Variants in SPATA13 observed in about 807,000 individuals in gnomAD.
SPATA13 encodes the protein spermatogenesis-associated protein 13.
SPATA13 carries 50 observed loss-of-function variants against 104.0 expected under a neutral mutation model. The ratio of observed to expected loss-of-function variants is 0.48; its 90% CI spans 0.38 to 0.61. The LOEUF (loss-of-function observed/expected upper bound fraction) is 0.61. SPATA13 is among the 20% of genes least tolerant of loss of function. SPATA13 has a pLI of 0.00. For synonymous variants in SPATA13, 606 were observed against 667.5 expected, an observed-to-expected ratio of 0.91 and a Z score of 1.42; for missense variants, 1,524 against 1,690.6, an observed-to-expected ratio of 0.90 and a Z score of 1.73.
chr13:24,012,763 AAC>A (rs1030262736), intron 2 of SPATA13, among the ~76,000 whole-genome samples: 2 of 152,178 alleles, frequency 1.3e-5, no homozygotes, highest in Non-Finnish European at 2.9e-5. Flanking sequence ...TGCCCACTGC[AAC>A]AGTCAGTGTT....
chr13:24,271,017 TCTCA>T, intron 4 of SPATA13: 5 of 751,922 alleles, frequency 6.6e-6, no homozygotes, highest in Admixed American at 6.1e-5. Context: ...CTCCACTCTC[TCTCA>T]CTCTCTCTCT....
intron 1 of SPATA13, among the ~76,000 whole-genome samples, chr13:24,199,272 C>T (rs1168255383): frequency 2.0e-5 from 3 of 152,230 alleles, no homozygotes; most frequent in East Asian, 1.9e-4. Flanking sequence ...GTTTGCCAGC[C>T]GCTGAGCTCT....
At position 24,297,430 on chromosome 13, in the gene SPATA13, A is replaced by G; in HGVS notation, c.3278A>G (p.Gln1093Arg). 4 of 1,614,186 alleles carry G rather than the reference A, an allele frequency of 2.5e-6. No individual in the cohort carries two copies. The highest frequency in any genetic ancestry group is 3.4e-6 in the Non-Finnish European group (4 of 1,180,040). ...GGGGAGCTGACCAAAATCACTAAGC[A>G]AGGCAAAAGCCAGCAGCGGACGTTC... is the stretch of plus-strand genomic sequence containing the variant. ...HSGELTKITK[Q>R]GKSQQRTFFL... Residue 1093 changes from glutamine (Q) to arginine (R), a missense_variant, in exon 11 of 13, where the codon CAA (glutamine) becomes CGA (arginine). By Grantham distance (43) the Gln-to-Arg change is conservative. Around this residue, in one of 2 missense-constraint regions of SPATA13, gnomAD observed 435 missense variants for 554.8 expected, o/e 0.78. Coordinates refer to ENST00000382108, the MANE Select transcript of SPATA13 (RefSeq NM_001166271.3).
intron 4 of SPATA13, among the ~76,000 whole-genome samples, chr13:24,280,228 C>T (rs1446592769): frequency 6.6e-6 from 1 of 152,176 alleles, no homozygotes; most frequent in Non-Finnish European, 1.5e-5. Context: ...TCAGTATTTC[C>T]AGTCCGTGTC....
intron 4 of SPATA13, chr13:24,270,775 G>A: frequency 6.2e-7 from 1 of 1,607,886 alleles, no homozygotes; most frequent in Non-Finnish European, 8.5e-7. Context: ...GCCAGCCTGT[G>A]CAGTCCTCTG....
At position 24,135,225 on chromosome 13, in the gene SPATA13, A is replaced by G. The variant is rs74860642; in HGVS notation, c.-111-87594A>G. ...TGAATACACTCATTATTCGAAAAAA[A>G]AAATACTTTTTCTTCTCTCATCTTT... On this transcript the variant is annotated intron_variant, in intron 3 of 14. Transcript: ENST00000424834. Among the ~76,000 whole-genome samples, 60 of 151,568 alleles carry G rather than the reference A, an allele frequency of 4.0e-4. No individual in the cohort carries two copies. In the East Asian group the frequency reaches 7.0e-3, roughly 18 times the overall value.
At chr13:24,234,796 G>A (rs1484879648) in intron 2 of SPATA13, among the ~76,000 whole-genome samples, 1 of 152,158 alleles carries the variant, frequency 6.6e-6, no homozygotes, top group African/African-American at 2.4e-5. Context: ...AACTTTCTAG[G>A]ATACCAGGAT....
chr13:24,118,948 C>T lies in SPATA13; in HGVS notation c.-112+101247C>T, dbSNP rs1471039098. On this transcript the variant is annotated intron_variant, in intron 3 of 14. Transcript: ENST00000424834. The stretch of plus-strand genomic sequence containing the variant: ...TGAGATGGAGTCTTGTTCTGTTGCC[C>T]GGGCTGGAGTGCAGTGGTGTGATCT... 3.3e-5 allele frequency among the ~76,000 whole-genome samples: 5 copies of T among 150,088 alleles called. No homozygotes were observed. In the South Asian group the frequency reaches 8.4e-4, roughly 25 times the overall value.
chr13:24,087,810 C>G (rs1286346290), intron 3 of SPATA13, among the ~76,000 whole-genome samples: 1 of 152,170 alleles, frequency 6.6e-6, no homozygotes, highest in South Asian at 2.1e-4. Flanking sequence ...GGCTCCTGCT[C>G]CTCCCCAGAG....
chr13:23,989,315 A>G (rs1267245149), intron 2 of SPATA13, among the ~76,000 whole-genome samples: 3 of 152,024 alleles, frequency 2.0e-5, no homozygotes, highest in Non-Finnish European at 4.4e-5. Context: ...CCAGCTACTC[A>G]GGAGGCTGAG....
intron 2 of SPATA13, among the ~76,000 whole-genome samples, chr13:24,245,584 C>CTT (rs61316306): frequency 0.41 from 35,973 of 88,318 alleles, 8,658 homozygotes; most frequent in East Asian, 0.49. Context: ...ACAGTTGTTT[C>CTT]TTTTTTTTTT....
intron 3 of SPATA13, among the ~76,000 whole-genome samples, chr13:24,080,822 TA>T: frequency 6.6e-6 from 1 of 152,320 alleles, no homozygotes; most frequent in South Asian, 2.1e-4. Flanking sequence ...GGCTGTTCTT[TA>T]ATCATTTTGT....
intron 2 of SPATA13, among the ~76,000 whole-genome samples, chr13:24,015,483 G>A (rs1173896358): frequency 6.6e-6 from 1 of 152,192 alleles, no homozygotes; most frequent in Non-Finnish European, 1.5e-5. Flanking sequence ...TGTTTCTCCT[G>A]TGGCATCCCC....
intron 3 of SPATA13, among the ~76,000 whole-genome samples, chr13:24,102,568 G>T (rs528639330): frequency 6.6e-6 from 1 of 150,594 alleles, no homozygotes; most frequent in African/African-American, 2.5e-5. Flanking sequence ...TCCTTCTCCC[G>T]GGATTAGGTG....
intron 1 of SPATA13, among the ~76,000 whole-genome samples, chr13:24,184,057 A>G (rs1211816322): frequency 6.6e-6 from 1 of 152,172 alleles, no homozygotes; most frequent in Non-Finnish European, 1.5e-5. Context: ...TTCACAGGAC[A>G]GTCTTGAGAA....
rs886537703 is a variant in SPATA13, at chr13:24,045,659, C to T, written c.-112+27958C>T. Among the ~76,000 whole-genome samples, 6 of 152,284 alleles carry T rather than the reference C, an allele frequency of 3.9e-5. No individual in the cohort carries two copies. In the South Asian group the frequency reaches 8.3e-4, roughly 21 times the overall value. On this transcript the variant is annotated intron_variant, in intron 3 of 14. Transcript: ENST00000424834. Reference sequence around the variant, plus strand: ...CCTCAAGGGAAGTCGAGAAGTTCAACGGAAGAATGCTAAGGCTTCATTTTT... The same window carrying T: ...CCTCAAGGGAAGTCGAGAAGTTCAATGGAAGAATGCTAAGGCTTCATTTTT...
rs1010467445 is a variant in SPATA13 at position 24,249,637 on chromosome 13, A to C, written c.1814A>C (p.Glu605Ala). 1.9e-6 allele frequency: 3 copies of C among 1,614,112 alleles called. No individual in the cohort carries two copies. The highest frequency in any genetic ancestry group is 2.5e-6 in the Non-Finnish European group (3 of 1,179,962). The change falls in exon 3 of 13, where the codon GAA becomes GCA. Residue 605 changes from glutamate (E) to alanine (A), a missense_variant. This residue lies in a region of SPATA13 where 1,089 missense variants were observed against 1,135.9 expected (regional missense o/e 0.96). Coordinates refer to ENST00000382108, the MANE Select transcript of SPATA13 (RefSeq NM_001166271.3). ...GCCAGCCGCAGTTTGTCTATTCCTG[A>C]AGACTCGGTTGCTGCAGACCCCCAG... ...QLASRSLSIP[E>A]DSVAADPQKE...
chr13:24,251,700 T>G lies in SPATA13; in HGVS notation c.2020-18T>G. 6.2e-7 allele frequency: 1 copy of G among 1,612,874 alleles called. No individual in the cohort carries two copies. Among genetic ancestry groups the G allele is most frequent in the South Asian group, 1.1e-5 (1 of 90,982 alleles). ...CACTTCCTGGTACCTCCTCACAGAT[T>G]TTGCTTTCTTTTTGCAGCCGGCTTC... On this transcript the variant is annotated intron_variant, in intron 3 of 12. Transcript: ENST00000382108.
At chr13:24,067,816 T>A (rs1274741313) in intron 3 of SPATA13, among the ~76,000 whole-genome samples, 1 of 152,160 alleles carries the variant, frequency 6.6e-6, no homozygotes, top group Non-Finnish European at 1.5e-5. Flanking sequence ...GTGATTCTCC[T>A]GCCTCAGCCT....
Sources: allele counts gnomAD v4.1 joint callset (sites outside exome capture counted in the v4.1 genomes callset), GRCh38; gene constraint gnomAD v4.1.1; regional missense constraint gnomAD v4.1.1; transcripts MANE v1.5; gene names NCBI Gene and HGNC (gene_info 2026-07-23, HGNC 2026-07-21).